The following RAD52 variants were observed in gnomAD, a reference collection of about 807,000 sequenced individuals.
RAD52 encodes the protein RAD52 DNA repair protein.
A neutral mutation model predicts 55.5 loss-of-function variants in RAD52; 47 were observed. The observed-to-expected ratio is 0.85, with a 90% CI of 0.67 to 1.08. The LOEUF (loss-of-function observed/expected upper bound fraction) is 1.08. Ranked by LOEUF, RAD52 falls within the 50% of genes least tolerant of loss-of-function variation. The pLI, the probability that RAD52 is intolerant of heterozygous loss-of-function variation, is 0.00. For missense variants in RAD52, 468 were observed against 522.8 expected (o/e 0.90, Z 1.02); for synonymous variants, 184 against 198.9 (o/e 0.92, Z 0.63).
intron 1 of RAD52, among the ~76,000 whole-genome samples, chr12:985,212 T>C (rs970886363): frequency 1.3e-4 from 20 of 152,348 alleles, no homozygotes; most frequent in African/African-American, 4.8e-4. Flanking sequence ...ACAATCATGG[T>C]TCACCACAGC....
Position 932,994 on chromosome 12 carries a change from G to T in RAD52, c.65C>A (p.Ser22Ter). ...AGTTACCTGTCCAAAGCATAACACT[G>T]AGCCGCCGCCAGCAGCAGGATGGCT... ...RDSHPAAGGG[S>*]VLCFGQCQYT... The change falls in exon 2 of 12, where the codon TCA becomes TAA. Residue 22 changes from serine to a stop codon, truncating the protein, a stop_gained. Coordinates refer to ENST00000358495, the MANE Select transcript of RAD52 (RefSeq NM_134424.4). LOFTEE classifies it high-confidence loss of function. 6.2e-7 allele frequency: 1 copy of T among 1,613,918 alleles called. No individual in the cohort carries two copies. The highest frequency in any genetic ancestry group is 8.5e-7 in the Non-Finnish European group (1 of 1,179,992).
intron 6 of RAD52, among the ~76,000 whole-genome samples, chr12:926,555 TTC>T (rs764090477): frequency 2.6e-4 from 40 of 152,168 alleles, no homozygotes; most frequent in Non-Finnish European, 3.8e-4. Context: ...GACTCCTTCC[TTC>T]TCTCTCTTGC....
At chr12:982,656 C>CTTTT (rs34866890) in intron 1 of RAD52, among the ~76,000 whole-genome samples, 897 of 86,274 alleles carry the variant, frequency 0.01, 40 homozygotes, top group Middle Eastern at 0.017. Context: ...ACAATCTAGA[C>CTTTT]TTTTTTTTTT....
At position 913,336 on chromosome 12, in the gene RAD52, G is replaced by A; in HGVS notation, c.*55C>T. 1 of 1,309,202 alleles carries A rather than the reference G, an allele frequency of 7.6e-7. No individual in the cohort carries two copies. Among genetic ancestry groups the A allele is most frequent in the East Asian group, 2.3e-5 (1 of 42,984 alleles). 81.1% of individuals were successfully genotyped at this position (1,309,202 alleles called of 1,614,324 possible). The stretch of plus-strand genomic sequence containing the variant: ...CGATGAACAATTTCATGACCAAAAA[G>A]TAGTTTTCCAAAGTCCCTTTGTGAC... On this transcript the variant is annotated 3_prime_UTR_variant, in exon 12 of 12. Coordinates refer to ENST00000358495, the MANE Select transcript of RAD52 (RefSeq NM_134424.4).
intron 7 of RAD52, among the ~76,000 whole-genome samples, chr12:921,904 G>A (rs968083118): frequency 6.6e-6 from 1 of 151,518 alleles, no homozygotes; most frequent in African/African-American, 2.4e-5. Context: ...TCAGGAGTTC[G>A]AGACCAGCCT....
intron 1 of RAD52, among the ~76,000 whole-genome samples, chr12:967,707 C>T (rs368473930): frequency 6.6e-6 from 1 of 152,016 alleles, no homozygotes; most frequent in Non-Finnish European, 1.5e-5. Context: ...CTGGCTCCAA[C>T]GATCCTCCCT....
At chr12:961,309 C>CAAAAAAAAAAA (rs60547688) in intron 1 of RAD52, among the ~76,000 whole-genome samples, 7 of 33,810 alleles carry the variant, frequency 2.1e-4, no homozygotes, top group Non-Finnish European at 2.8e-4. Flanking sequence ...GACTCCATCT[C>CAAAAAAAAAAA]AAAAAAAAAA....
intron 1 of RAD52, 80 bp downstream of exon 1, chr12:949,522 A>C (rs3748522): frequency 0.49 from 74,793 of 152,188 alleles, 18,516 homozygotes; most frequent in Non-Finnish European, 0.53. Flanking sequence ...CAGGTTCTCG[A>C]CCCGGAAGCT....
intron 1 of RAD52, among the ~76,000 whole-genome samples, chr12:961,010 A>T (rs1958675313): frequency 6.6e-6 from 1 of 152,080 alleles, no homozygotes; most frequent in Non-Finnish European, 1.5e-5. Flanking sequence ...CAGAGAAGAA[A>T]TAAGCAAAGA....
intron 1 of RAD52, among the ~76,000 whole-genome samples, chr12:955,512 C>T (rs529578965): frequency 1.3e-5 from 2 of 150,368 alleles, no homozygotes; most frequent in South Asian, 2.1e-4. Flanking sequence ...CTCACTCTGT[C>T]GCCCAGGCCA....
Position 914,683 on chromosome 12 carries a change from T to A in RAD52, c.866-151A>T, listed in dbSNP as rs151329408. The A allele has an allele frequency of 2.3e-4, 204 of 880,268 alleles. 1 individual carries two copies. In the African/African-American group the frequency reaches 3.3e-3, roughly 14 times the overall value. The allele number at this position is 880,268 out of a possible 1,614,324, so 54.5% of individuals were successfully genotyped here. ...CGCTGCTTCTGCCAGTAAAAAGAAC[T>A]TCAGCTTCCCGAGTCCCAGTCCTAC... On this transcript the variant is annotated intron_variant, in intron 9 of 11. Transcript: ENST00000358495.
chr12:933,255 G>A (rs1957436300), intron 1 of RAD52, among the ~76,000 whole-genome samples, 179 bp from the exon 2 acceptor site: 1 of 152,030 alleles, frequency 6.6e-6, no homozygotes, highest in Admixed American at 6.6e-5. Flanking sequence ...TCAGGAGATG[G>A]AGACCATCCT....
chr12:919,749 T>TAA (rs755729351), intron 7 of RAD52, among the ~76,000 whole-genome samples: 4 of 82,220 alleles, frequency 4.9e-5, no homozygotes, highest in African/African-American at 5.5e-5. Flanking sequence ...AGACTCTGTC[T>TAA]AAAAAAAAAA....
At position 913,971 on chromosome 12, in the gene RAD52, C is replaced by T; in HGVS notation, c.1118G>A (p.Ser373Asn). 1 of 1,614,170 alleles carries T rather than the reference C, an allele frequency of 6.2e-7. No homozygotes were observed. The highest frequency in any genetic ancestry group is 8.5e-7 in the Non-Finnish European group (1 of 1,180,030). Residue 373 changes from serine to asparagine, a missense_variant, in exon 11 of 12, where the codon AGC (serine) becomes AAC (asparagine). By Grantham distance (46) the Ser-to-Asn change is conservative (BLOSUM62 1). Coordinates refer to ENST00000358495, the MANE Select transcript of RAD52 (RefSeq NM_134424.4). Reference protein sequence around the residue: ...QMVTQNRTPHSVCHQKPQAKS... With the variant: ...QMVTQNRTPHNVCHQKPQAKS... ...TGCTTGTGGTTTCTGGTGGCAAACG[C>T]TGTGTGGAGTCCTGTTCTGGGTCAC...
chr12:923,732 T>C (rs907701564), intron 7 of RAD52, among the ~76,000 whole-genome samples: 1 of 152,034 alleles, frequency 6.6e-6, no homozygotes, highest in Non-Finnish European at 1.5e-5. Flanking sequence ...ACACTAAAAA[T>C]AGTTAAAATG....
chr12:983,310 A>C (rs1278588807), intron 1 of RAD52, among the ~76,000 whole-genome samples: 1 of 152,168 alleles, frequency 6.6e-6, no homozygotes, highest in African/African-American at 2.4e-5. Flanking sequence ...ATAATAAAAT[A>C]ATACAGTTTG....
At chr12:940,688 T>C (rs765822212) in intron 1 of RAD52, among the ~76,000 whole-genome samples, 2 of 151,410 alleles carry the variant, frequency 1.3e-5, no homozygotes, top group Non-Finnish European at 2.9e-5. Flanking sequence ...ACAAAGAAAA[T>C]GTAAGAGCCA....
intron 1 of RAD52, among the ~76,000 whole-genome samples, chr12:958,216 A>G: frequency 7.0e-6 from 1 of 143,450 alleles, no homozygotes; most frequent in East Asian, 1.9e-4. Context: ...ATTGCCTTCT[A>G]TTTTATTTTA....
chr12:984,497 G>C (rs149656771), intron 1 of RAD52, among the ~76,000 whole-genome samples: 1 of 151,036 alleles, frequency 6.6e-6, no homozygotes, highest in Admixed American at 6.6e-5. Flanking sequence ...ACCGTGCCTG[G>C]CCCTGTCTCT....
Sources: allele counts gnomAD v4.1 joint callset (sites outside exome capture counted in the v4.1 genomes callset), GRCh38; gene constraint gnomAD v4.1.1; transcripts MANE v1.5; gene names NCBI Gene and HGNC (gene_info 2026-07-23, HGNC 2026-07-21).